The following ENPP2 variants were observed in gnomAD, a reference collection of about 807,000 sequenced individuals.
The protein encoded by ENPP2 is ectonucleotide pyrophosphatase/phosphodiesterase 2.
In ENPP2, 51 loss-of-function variants were observed where a neutral mutation model predicts 120.2. That is an observed-to-expected ratio of 0.42 (90% CI 0.34 to 0.54). The LOEUF (loss-of-function observed/expected upper bound fraction) is 0.54. Ranked by LOEUF, ENPP2 falls within the 20% of genes least tolerant of loss-of-function variation. ENPP2 has a pLI of 0.04. For missense variants in ENPP2, 920 were observed against 1,066.5 expected (o/e 0.86, Z 1.91); for synonymous variants, 365 against 366.4 (o/e 1.00, Z 0.04).
chr8:119,614,694 C>A (rs1815343145), intron 8 of ENPP2, among the ~76,000 whole-genome samples: 1 of 152,114 alleles, frequency 6.6e-6, no homozygotes, highest in Non-Finnish European at 1.5e-5. Flanking sequence ...ATCTCTAATC[C>A]TTTAAGGTTC....
At chr8:119,582,745 G>A in intron 17 of ENPP2, 143 bp from the exon 18 acceptor site, 1 of 644,298 alleles carries the variant, frequency 1.6e-6, no homozygotes. Flanking sequence ...TAGATGGCAG[G>A]CACCCCCTCC....
At chr8:119,639,896 C>T (rs10505370), upstream of ENPP2, among the ~76,000 whole-genome samples, 1,459 of 152,160 alleles carry the variant, frequency 9.6e-3, 24 homozygotes, top group African/African-American at 0.033. Flanking sequence ...TATTACATGC[C>T]TTCAGGATTC....
intron 8 of ENPP2, among the ~76,000 whole-genome samples, chr8:119,609,511 T>G (rs1277033181): frequency 1.3e-5 from 2 of 152,086 alleles, no homozygotes; most frequent in African/African-American, 4.8e-5. Context: ...AGTCCAAAGC[T>G]CTTTCTATTT....
At chr8:119,620,626 C>T (rs1815822885) in intron 4 of ENPP2, among the ~76,000 whole-genome samples, 2 of 152,124 alleles carry the variant, frequency 1.3e-5, no homozygotes, top group Non-Finnish European at 2.9e-5. Context: ...TGGATCTTCC[C>T]ATCAACTTCT....
upstream of ENPP2, among the ~76,000 whole-genome samples, chr8:119,642,142 A>G (rs1247333683): frequency 2.6e-5 from 4 of 152,158 alleles, no homozygotes; most frequent in East Asian, 5.8e-4. Context: ...TTGCTTCTCA[A>G]TTTCTCCGTT....
chr8:119,608,327 C>T (rs1356055412), intron 8 of ENPP2, among the ~76,000 whole-genome samples: 1 of 152,134 alleles, frequency 6.6e-6, no homozygotes, highest in Non-Finnish European at 1.5e-5. Flanking sequence ...CATCAAAGGA[C>T]CCAAGAGTGG....
At chr8:119,570,863 CTG>C (rs767498769) in intron 19 of ENPP2, 22 bp from the exon 20 acceptor site, 1 of 1,513,134 alleles carries the variant, frequency 6.6e-7, no homozygotes, top group South Asian at 1.3e-5. Context: ...AAAAAATAAA[CTG>C]TGTTAGGTGC....
Position 119,568,281 on chromosome 8 carries a change from G to A in ENPP2, c.2054-29C>T, listed in dbSNP as rs118151601. On this transcript the variant is annotated intron_variant, in intron 21 of 24. Transcript: ENST00000075322. ...AACATTAGGAAAACAAATAGTATAC[G>A]TTGCTTACCAAAATCTATATCAGTT... The A allele has an allele frequency of 1.3e-4, 157 of 1,239,300 alleles. No individual in the cohort carries two copies. The East Asian group carries it at 1.5e-3, about 12-fold the overall frequency. 76.8% of individuals were successfully genotyped at this position (1,239,300 alleles called of 1,614,324 possible). A position where few individuals can be genotyped will look rare whatever the true frequency, so the allele number is the denominator to read the frequency against.
In ENPP2 at chr8:119,586,293, G is replaced by A. The variant is rs1376768621; in HGVS notation, c.1260C>T (p.His420=). 1.9e-6 allele frequency: 3 copies of A among 1,613,864 alleles called. No individual in the cohort carries two copies. The highest frequency in any genetic ancestry group is 2.5e-6 in the Non-Finnish European group (3 of 1,179,892). The change falls in exon 15 of 25, where the codon CAC becomes CAT. Residue 420 remains histidine, a synonymous_variant. Coordinates refer to ENST00000075322, the MANE Select transcript of ENPP2 (RefSeq NM_001040092.3). ...ANLTCKKPDQ[H]FKPYLKQHLP... ...GGTGCTGTTTCAAGTAAGGCTTAAA[G>A]TGCTGATCTGGTTTTTTACACTGAA...
chr8:119,664,159 T>C (rs934063474), intron 1 of ENPP2, among the ~76,000 whole-genome samples: 3 of 152,136 alleles, frequency 2.0e-5, no homozygotes, highest in Non-Finnish European at 2.9e-5. Context: ...GTTATAAAAA[T>C]GGGGAAAAGT....
Position 119,626,658 on chromosome 8 carries a change from G to T in ENPP2, c.199C>A (p.Gln67Lys), listed in dbSNP as rs1202333882. 1.2e-6 allele frequency: 2 copies of T among 1,613,948 alleles called. No homozygotes were observed. Among genetic ancestry groups the T allele is most frequent in the South Asian group, 2.2e-5 (2 of 91,086 alleles). The change falls in exon 3 of 25, where the codon CAA (glutamine) becomes AAA (lysine). Residue 67 changes from glutamine to lysine, a missense_variant. By Grantham distance (53) the Gln-to-Lys change is moderately conservative. Transcript: ENST00000075322. ...GSCKGRCFEL[Q>K]EAGPPDCRCD... Reference sequence around the variant, plus strand: ...CGACAATCAGGAGGTCCAGCCTCTTGAAGTTCAAAGCACCTGCCCTTGCAA... The same window carrying T: ...CGACAATCAGGAGGTCCAGCCTCTTTAAGTTCAAAGCACCTGCCCTTGCAA...
chr8:119,609,136 A>T (rs2130643065), intron 8 of ENPP2, among the ~76,000 whole-genome samples: 1 of 152,302 alleles, frequency 6.6e-6, no homozygotes, highest in African/African-American at 2.4e-5. Context: ...TTTTTTGAGG[A>T]AATGGGTAAC....
intron 11 of ENPP2, among the ~76,000 whole-genome samples, chr8:119,598,871 A>T (rs1335515884): frequency 6.6e-6 from 1 of 152,182 alleles, no homozygotes; most frequent in Non-Finnish European, 1.5e-5. Flanking sequence ...TTAGCAGCCA[A>T]GCGAAAGTAC....
chr8:119,598,208 C>T (rs1284999599), intron 11 of ENPP2, among the ~76,000 whole-genome samples: 4 of 152,022 alleles, frequency 2.6e-5, no homozygotes, highest in Non-Finnish European at 4.4e-5. Context: ...ATTCCTAGAA[C>T]CAGATGAGAA....
At chr8:119,591,008 A>AAAAC (rs1349563230) in intron 12 of ENPP2, among the ~76,000 whole-genome samples, 6 of 151,396 alleles carry the variant, frequency 4.0e-5, no homozygotes, top group African/African-American at 1.5e-4. Flanking sequence ...AAAAAAAAAA[A>AAAAC]AAAAAAAACC....
intron 24 of ENPP2, among the ~76,000 whole-genome samples, chr8:119,560,957 C>A (rs886272691): frequency 2.6e-5 from 4 of 152,166 alleles, no homozygotes; most frequent in African/African-American, 9.7e-5. Context: ...AGGACCTACA[C>A]ATAATCGGAT....
intron 19 of ENPP2, chr8:119,571,802 GA>G (rs1292318790): frequency 6.4e-6 from 1 of 156,608 alleles, no homozygotes; most frequent in Non-Finnish European, 1.4e-5. Context: ...AATCAGTTCT[GA>G]AAAACACTTA....
At chr8:119,657,551 G>A (rs1817802113) in intron 1 of ENPP2, among the ~76,000 whole-genome samples, 1 of 152,170 alleles carries the variant, frequency 6.6e-6, no homozygotes, top group East Asian at 1.9e-4. Context: ...TTAGCAGTGG[G>A]CTGCAGCATG....
At position 119,638,830 on chromosome 8, in the gene ENPP2, G is replaced by A. The variant is rs1299613301; in HGVS notation, c.-50C>T. The A allele has an allele frequency of 5.6e-6, 9 of 1,612,996 alleles. No homozygotes were observed. Among genetic ancestry groups the A allele is most frequent in the African/African-American group, 1.3e-5 (1 of 74,896 alleles). On this transcript the variant is annotated 5_prime_UTR_variant, in exon 1 of 25. Transcript: ENST00000075322. ...TGCAGCGTGTTCTCTTTGCCTTCAC[G>A]GAGTGCACTGCTTTGAGGCTCTGGG...
Sources: allele counts gnomAD v4.1 joint callset (sites outside exome capture counted in the v4.1 genomes callset), GRCh38; gene constraint gnomAD v4.1.1; transcripts MANE v1.5; gene names NCBI Gene and HGNC (gene_info 2026-07-23, HGNC 2026-07-21).